The following SIGLEC6 variants were observed in gnomAD, a reference collection of about 807,000 sequenced individuals.
The protein encoded by SIGLEC6 is sialic acid-binding Ig-like lectin 6.
A neutral mutation model predicts 41.4 loss-of-function variants in SIGLEC6; 31 were observed. The ratio of observed to expected loss-of-function variants is 0.75; its 90% CI spans 0.56 to 1.01. The LOEUF (loss-of-function observed/expected upper bound fraction) is 1.01. Among genes scored for constraint, SIGLEC6 ranks in the 50% least tolerant of loss-of-function variants. The probability of loss-of-function intolerance (pLI) is 0.00; values close to 1 mark genes in which losing one functional copy is unlikely to be tolerated. For missense variants in SIGLEC6, 555 were observed against 558.6 expected (o/e 0.99, Z 0.06); for synonymous variants, 217 against 231.0 (o/e 0.94, Z 0.55).
In SIGLEC6 at chr19:51,520,256, C is replaced by G; in HGVS notation, c.1189-1G>C. On this transcript the variant is annotated splice_acceptor_variant, in intron 7 of 7. Coordinates refer to ENST00000425629, the MANE Select transcript of SIGLEC6 (RefSeq NM_001245.7). LOFTEE classifies it high-confidence loss of function. The stretch of plus-strand genomic sequence containing the variant: ...CTGTCTGGAACTGGTGCTGATGACC[C>G]TTAATGGAAGAAAAGAAAAGATTCA... The G allele has an allele frequency of 6.4e-7, 1 of 1,551,610 alleles. No individual in the cohort carries two copies. Among genetic ancestry groups the G allele is most frequent in the Non-Finnish European group, 8.8e-7 (1 of 1,135,934 alleles).
At chr19:51,524,696 C>T (rs753767869) in intron 7 of SIGLEC6, among the ~76,000 whole-genome samples, 1 of 152,112 alleles carries the variant, frequency 6.6e-6, no homozygotes, top group Non-Finnish European at 1.5e-5. Context: ...TTTAAAAAAT[C>T]GACTATGGAG....
At chr19:51,529,001 CAAAAAAA>C (rs3072157) in intron 5 of SIGLEC6, among the ~76,000 whole-genome samples, 2 of 92,804 alleles carry the variant, frequency 2.2e-5, no homozygotes, top group Admixed American at 1.3e-4. Context: ...GACCCTCTCT[CAAAAAAA>C]AAAAAAAAAA....
chr19:51,526,421 TC>T (rs1464385957), intron 7 of SIGLEC6, among the ~76,000 whole-genome samples: 3 of 152,188 alleles, frequency 2.0e-5, no homozygotes, highest in African/African-American at 7.2e-5. Flanking sequence ...CATCCAAACT[TC>T]AACACCAAAA....
At position 51,531,444 on chromosome 19, in the gene SIGLEC6, A is replaced by AGGAC. The variant is rs754220374; in HGVS notation, c.139_142dup (p.Leu48ArgfsTer27). 4 of 1,613,974 alleles carry AGGAC rather than the reference A, an allele frequency of 2.5e-6. No homozygotes were observed. In the African/African-American group the frequency reaches 5.3e-5, roughly 22 times the overall value. ...GGTAGTGGGCAATCTGCAGGGTACG[A>AGGAC]GGACGCACAGACCCTCCTGCACCGT... On this transcript the variant is annotated frameshift_variant, in exon 2 of 8. Transcript: ENST00000425629. LOFTEE classifies it high-confidence loss of function.
At chr19:51,526,050 C>G (rs1392769647) in intron 7 of SIGLEC6, among the ~76,000 whole-genome samples, 1 of 152,202 alleles carries the variant, frequency 6.6e-6, no homozygotes, top group African/African-American at 2.4e-5. Context: ...CTGCTTGGGC[C>G]CACAGCACAG....
chr19:51,519,949 T>A lies in SIGLEC6; in HGVS notation c.*133A>T. ...ACCTTGTTCTCAGACCTCTAACATC[T>A]GAAACTATACGAAAATAAAGTTCTG... is the stretch of plus-strand genomic sequence containing the variant. On this transcript the variant is annotated 3_prime_UTR_variant, in exon 8 of 8. Coordinates refer to ENST00000425629, the MANE Select transcript of SIGLEC6 (RefSeq NM_001245.7). 1.2e-6 allele frequency: 1 copy of A among 800,282 alleles called. No homozygotes were observed. Among genetic ancestry groups the A allele is most frequent in the Non-Finnish European group, 1.8e-6 (1 of 544,538 alleles). The allele number at this position is 800,282 out of a possible 1,614,324, so 49.6% of individuals were successfully genotyped here.
In SIGLEC6 at chr19:51,520,061, G is replaced by T. The variant is rs752791711; in HGVS notation, c.*21C>A. 2 of 1,522,816 alleles carry T rather than the reference G, an allele frequency of 1.3e-6. No homozygotes were observed. The highest frequency in any genetic ancestry group is 1.8e-6 in the Non-Finnish European group (2 of 1,116,950). 94.3% of individuals were successfully genotyped at this position (1,522,816 alleles called of 1,614,324 possible). ...AGGTACCATGTTCTCTCCAATCAAG[G>T]TTATGGCTTTGGACAATTCCTCACT... On this transcript the variant is annotated 3_prime_UTR_variant, in exon 8 of 8. Transcript: ENST00000425629.
At chr19:51,520,369 A>ATTATTTTATTTTATTTCAAT in intron 7 of SIGLEC6, 114 bp from the exon 8 acceptor site, 1 of 563,010 alleles carries the variant, frequency 1.8e-6, no homozygotes, top group Non-Finnish European at 2.8e-6. Flanking sequence ...CCATTCATTT[A>ATTATTTTATTTTATTTCAAT]TTATTTTATT....
chr19:51,530,285 G>A (rs527792110), intron 4 of SIGLEC6, 152 bp downstream of exon 4: 46 of 749,580 alleles, frequency 6.1e-5, no homozygotes, highest in Non-Finnish European at 7.4e-5. Context: ...AGCTCCTGCC[G>A]AAGAGGCGAC....
At position 51,531,318 on chromosome 19, in the gene SIGLEC6, C is replaced by T. The variant is rs777315070; in HGVS notation, c.269G>A (p.Arg90Gln). The T allele has an allele frequency of 2.5e-6, 4 of 1,614,182 alleles. No homozygotes were observed. Among genetic ancestry groups the T allele is most frequent in the Admixed American group, 3.3e-5 (2 of 60,024 alleles). Residue 90 changes from arginine (R) to glutamine (Q), a missense_variant, in exon 2 of 8, where the codon CGG becomes CAG. Arg to Gln is a conservative substitution (Grantham distance 43, BLOSUM62 1). Transcript: ENST00000425629. Reference sequence around the variant, plus strand: ...ATCCCAGAGGAGGTGGAATCGGCCCCGGGTCTCCTCCTGCACTTCTTCGTC... The same window carrying T: ...ATCCCAGAGGAGGTGGAATCGGCCCTGGGTCTCCTCCTGCACTTCTTCGTC... ...DPDEEVQEET[R>Q]GRFHLLWDPR... is the part of the protein sequence containing the mutation.
chr19:51,530,284 C>T (rs1053590426), intron 4 of SIGLEC6, among the ~76,000 whole-genome samples, 153 bp downstream of exon 4: 4 of 152,128 alleles, frequency 2.6e-5, no homozygotes, highest in Admixed American at 6.5e-5. Flanking sequence ...CAGCTCCTGC[C>T]GAAGAGGCGA....
At position 51,530,853 on chromosome 19, in the gene SIGLEC6, G is replaced by A; in HGVS notation, c.534C>T (p.Pro178=). The A allele has an allele frequency of 1.2e-6, 2 of 1,613,914 alleles. No homozygotes were observed. The highest frequency in any genetic ancestry group is 1.7e-6 in the Non-Finnish European group (2 of 1,179,982). The change falls in exon 3 of 8, where the codon CCC becomes CCT. Residue 178 remains proline (P), a synonymous_variant. Transcript: ENST00000425629. ...VPWVCEQGTP[P]IFSWMSAAPT... is the part of the protein sequence containing the mutation. ...GGGCAGCTGACATCCAGGAGAAGAT[G>A]GGGGGCGTCCCCTGCTCACAGACCC...
chr19:51,524,644 AT>A (rs1456542069), intron 7 of SIGLEC6, among the ~76,000 whole-genome samples: 1 of 152,136 alleles, frequency 6.6e-6, no homozygotes, highest in African/African-American at 2.4e-5. Context: ...TGGTAGACTG[AT>A]TTTTCATGTA....
intron 7 of SIGLEC6, among the ~76,000 whole-genome samples, chr19:51,521,936 G>A (rs762607167): frequency 6.6e-6 from 1 of 152,330 alleles, no homozygotes; most frequent in South Asian, 2.1e-4. Flanking sequence ...ACTGCAGTAC[G>A]TGGAGGATAA....
intron 4 of SIGLEC6, 22 bp from the exon 5 acceptor site, chr19:51,530,003 G>T (rs1979977840): frequency 6.4e-7 from 1 of 1,558,568 alleles, no homozygotes; most frequent in Non-Finnish European, 8.7e-7. Flanking sequence ...GAGGTGTAGA[G>T]AGTTAGAGAT....
Position 51,529,906 on chromosome 19 carries a change from T to A in SIGLEC6, c.830A>T (p.Asp277Val). The A allele has an allele frequency of 6.2e-7, 1 of 1,613,628 alleles. No homozygotes were observed. Among genetic ancestry groups the A allele is most frequent in the Non-Finnish European group, 8.5e-7 (1 of 1,179,762 alleles). ...GQALRLLCDA[D>V]GNPPAHLSWF... ...GCTCAGGTGTGCAGGGGGGTTGCCG[T>A]CAGCATCACAGAGCAGCCGCAGAGC... The change falls in exon 5 of 8, where the codon GAC (aspartate) becomes GTC (valine). Residue 277 changes from aspartate to valine, a missense_variant. Physicochemically the swap from Asp to Val is radical, Grantham distance 152. Transcript: ENST00000425629.
intron 7 of SIGLEC6, 100 bp downstream of exon 7, chr19:51,527,647 G>A (rs527926156): frequency 3.3e-6 from 3 of 912,542 alleles, no homozygotes; most frequent in Non-Finnish European, 5.1e-6. Flanking sequence ...GGAACCGCAG[G>A]GAATGTCAGG....
intron 4 of SIGLEC6, 34 bp from the exon 5 acceptor site, chr19:51,530,015 G>T: frequency 6.5e-7 from 1 of 1,544,386 alleles, no homozygotes; most frequent in East Asian, 2.3e-5. Flanking sequence ...GTTAGAGATG[G>T]GGTATAGGGG....
Position 51,519,990 on chromosome 19 carries a change from G to GTT in SIGLEC6, c.*90_*91dup. 9.0e-7 allele frequency: 1 copy of GTT among 1,106,130 alleles called. No individual in the cohort carries two copies. Among genetic ancestry groups the GTT allele is most frequent in the Non-Finnish European group, 1.3e-6 (1 of 791,398 alleles). The allele number at this position is 1,106,130 out of a possible 1,614,324, so 68.5% of individuals were successfully genotyped here. ...TAAAGTTCTGTGTTTATGTCACTCG[G>GTT]TTTGTGGTACATTGCTGTGGCAGCC... On this transcript the variant is annotated 3_prime_UTR_variant, in exon 8 of 8. Coordinates refer to ENST00000425629, the MANE Select transcript of SIGLEC6 (RefSeq NM_001245.7).
Sources: gnomAD v4.1 joint callset for allele counts (sites outside exome capture counted in the v4.1 genomes callset) on GRCh38, gnomAD v4.1.1 for gene constraint, MANE v1.5 for transcripts, NCBI Gene and HGNC (gene_info 2026-07-23, HGNC 2026-07-21) for gene names.